Variants in SLAIN1 observed in about 807,000 individuals in gnomAD.
SLAIN1 encodes SLAIN motif-containing protein 1.
A neutral mutation model predicts 55.4 loss-of-function variants in SLAIN1; 17 were observed. The ratio of observed to expected loss-of-function variants is 0.31; its 90% CI spans 0.21 to 0.46. The LOEUF (loss-of-function observed/expected upper bound fraction) is 0.46, where lower values mean the gene tolerates loss of function less well. SLAIN1 is among the 20% of genes least tolerant of loss of function. The pLI is 1.00. For missense variants in SLAIN1, 682 were observed against 785.1 expected (o/e 0.87, Z 1.57); for synonymous variants, 348 against 337.4 (o/e 1.03, Z -0.35).
At chr13:77,750,016 G>A (rs570671808) in intron 4 of SLAIN1, among the ~76,000 whole-genome samples, 1 of 152,252 alleles carries the variant, frequency 6.6e-6, no homozygotes, top group African/African-American at 2.4e-5. Flanking sequence ...ATATTCTTGG[G>A]ATGTCTGAAA....
At chr13:77,723,256 G>GAA (rs2091278334) in intron 2 of SLAIN1, among the ~76,000 whole-genome samples, 1 of 151,982 alleles carries the variant, frequency 6.6e-6, no homozygotes, top group South Asian at 2.1e-4. Flanking sequence ...ACTCTACTTG[G>GAA]AACTAGTCAT....
intron 2 of SLAIN1, among the ~76,000 whole-genome samples, chr13:77,721,478 T>C (rs1289534518): frequency 6.6e-6 from 1 of 152,168 alleles, no homozygotes; most frequent in Non-Finnish European, 1.5e-5. Context: ...CCTCCTTACT[T>C]AATCCTTGAC....
chr13:77,719,713 A>C (rs778187394), intron 2 of SLAIN1, 42 bp downstream of exon 2: 5 of 1,599,188 alleles, frequency 3.1e-6, no homozygotes, highest in South Asian at 1.1e-5. Flanking sequence ...AACTCTTGTC[A>C]CTCTCAGTGC....
intron 2 of SLAIN1, among the ~76,000 whole-genome samples, chr13:77,735,331 T>C (rs542142815): frequency 6.6e-6 from 1 of 152,286 alleles, no homozygotes; most frequent in Non-Finnish European, 1.5e-5. Context: ...TCTTGGTCTT[T>C]ATTACAATAT....
rs747843842 is a variant in SLAIN1, at chr13:77,746,864, T to G, written c.1258+9T>G. On this transcript the variant is annotated intron_variant, in intron 4 of 6. Coordinates refer to ENST00000418532, the MANE Select transcript of SLAIN1 (RefSeq NM_001242868.2). ...AAATAGGACCAATGGAGGTAGGTTG[T>G]ATGCTTTTTTGGTATTTGATATGCT... The G allele has an allele frequency of 2.5e-6, 4 of 1,589,732 alleles. No individual in the cohort carries two copies. The highest frequency in any genetic ancestry group is 2.7e-5 in the African/African-American group (2 of 73,826).
intron 4 of SLAIN1, among the ~76,000 whole-genome samples, chr13:77,747,355 CG>C (rs1336624715): frequency 1.3e-5 from 2 of 152,088 alleles, no homozygotes; most frequent in Non-Finnish European, 2.9e-5. Flanking sequence ...CTTCTGATTA[CG>C]TGTCCCAGAT....
chr13:77,755,347 A>C (rs542838760), intron 5 of SLAIN1, among the ~76,000 whole-genome samples: 1 of 152,146 alleles, frequency 6.6e-6, no homozygotes, highest in Non-Finnish European at 1.5e-5. Flanking sequence ...AAAAATCAAT[A>C]GTGTAAGTGT....
Position 77,697,858 on chromosome 13 carries a change from G to A in SLAIN1, c.-56G>A. On this transcript the variant is annotated 5_prime_UTR_variant, in exon 1 of 7. Transcript: ENST00000418532. ...GAGCCGTAGCCTCCCCGTGGCCCGA[G>A]GAGCCGGCGCGGCGGCGCGCACTCC... The A allele has an allele frequency of 1.6e-6, 2 of 1,266,800 alleles. No individual in the cohort carries two copies. The highest frequency in any genetic ancestry group is 2.0e-6 in the Non-Finnish European group (2 of 1,006,666). 78.5% of individuals were successfully genotyped at this position (1,266,800 alleles called of 1,614,324 possible).
intron 4 of SLAIN1, among the ~76,000 whole-genome samples, chr13:77,750,172 CA>C (rs1437923975): frequency 1.3e-5 from 2 of 151,900 alleles, no homozygotes; most frequent in African/African-American, 4.8e-5. Context: ...GCAAAGCAAA[CA>C]AAAGTACATG....
At chr13:77,715,605 G>A (rs748970552) in intron 1 of SLAIN1, among the ~76,000 whole-genome samples, 4 of 152,022 alleles carry the variant, frequency 2.6e-5, no homozygotes, top group Non-Finnish European at 4.4e-5. Context: ...ACTTGCTATG[G>A]GTAGTATTTT....
chr13:77,704,177 A>C (rs768023835), intron 1 of SLAIN1, among the ~76,000 whole-genome samples: 12 of 86,630 alleles, frequency 1.4e-4, no homozygotes, highest in South Asian at 8.2e-4. Context: ...CATATGTTTT[A>C]TATGTATATA....
chr13:77,761,870 T>G (rs191227316), intron 6 of SLAIN1, among the ~76,000 whole-genome samples: 22 of 152,232 alleles, frequency 1.4e-4, no homozygotes, highest in African/African-American at 5.1e-4. Context: ...GAGGAGAGAT[T>G]GGTAGATGAG....
chr13:77,750,785 G>A (rs1049310807), intron 4 of SLAIN1, among the ~76,000 whole-genome samples: 5 of 152,160 alleles, frequency 3.3e-5, no homozygotes, highest in Admixed American at 3.3e-4. Flanking sequence ...CAGCTGGGAA[G>A]TCCATAGAAA....
chr13:77,697,986 G>C lies in SLAIN1; in HGVS notation c.73G>C (p.Ala25Pro). The C allele has an allele frequency of 1.4e-6, 2 of 1,445,714 alleles. No individual in the cohort carries two copies. Among genetic ancestry groups the C allele is most frequent in the Non-Finnish European group, 1.8e-6 (2 of 1,090,218 alleles). 89.6% of individuals were successfully genotyped at this position (1,445,714 alleles called of 1,614,324 possible). A position where few individuals can be genotyped will look rare whatever the true frequency, so the allele number is the denominator to read the frequency against. Residue 25 changes from alanine to proline, a missense_variant, in exon 1 of 7, where the codon GCG becomes CCG. Coordinates refer to ENST00000418532, the MANE Select transcript of SLAIN1 (RefSeq NM_001242868.2). ...SGAGSGPVVNAELEVKKLQEL... is the reference protein window; with the variant it reads ...SGAGSGPVVNPELEVKKLQEL... ...AGCGGGCTCCGGGCCGGTGGTGAACGCGGAGCTGGAGGTGAAGAAGCTGCA... is the reference window on the plus strand; with the variant it reads ...AGCGGGCTCCGGGCCGGTGGTGAACCCGGAGCTGGAGGTGAAGAAGCTGCA...
intron 5 of SLAIN1, among the ~76,000 whole-genome samples, chr13:77,760,202 A>G (rs1327964087): frequency 6.6e-6 from 1 of 152,160 alleles, no homozygotes; most frequent in African/African-American, 2.4e-5. Context: ...CCAGTTTGTT[A>G]CTTTTAATGT....
At chr13:77,740,312 G>T (rs1040830654) in intron 2 of SLAIN1, among the ~76,000 whole-genome samples, 2 of 152,056 alleles carry the variant, frequency 1.3e-5, no homozygotes, top group African/African-American at 4.8e-5. Context: ...GAGAGGTGGT[G>T]AGTGGTTAAG....
chr13:77,730,605 A>G (rs1872810241), intron 2 of SLAIN1, among the ~76,000 whole-genome samples: 1 of 152,172 alleles, frequency 6.6e-6, no homozygotes, highest in African/African-American at 2.4e-5. Context: ...AAACTTCTAT[A>G]TAGTAATAAG....
rs762851946 is a variant in SLAIN1 at position 77,760,887 on chromosome 13, A to G, written c.1474A>G (p.Ile492Val). Residue 492 changes from isoleucine (I) to valine (V), a missense_variant, in exon 6 of 7, where the codon ATC becomes GTC. Coordinates refer to ENST00000418532, the MANE Select transcript of SLAIN1 (RefSeq NM_001242868.2). ...VHSVGHFPVS[I>V]RQPLKATAYV... ...CAGCGTGGGGCATTTCCCAGTGTCT[A>G]TCCGACAGCCTCTTAAAGCCACAGC... The G allele has an allele frequency of 3.8e-5, 62 of 1,614,030 alleles. No individual in the cohort carries two copies. The highest frequency in any genetic ancestry group is 3.3e-4 in the Middle Eastern group (2 of 6,062).
At chr13:77,710,205 C>T (rs748412719) in intron 1 of SLAIN1, among the ~76,000 whole-genome samples, 4 of 152,148 alleles carry the variant, frequency 2.6e-5, no homozygotes, top group Non-Finnish European at 4.4e-5. Flanking sequence ...ATCATAATGA[C>T]AGGATCAAAT....
Sources: gnomAD v4.1 joint callset for allele counts (sites outside exome capture counted in the v4.1 genomes callset) on GRCh38, gnomAD v4.1.1 for gene constraint, MANE v1.5 for transcripts, NCBI Gene and HGNC (gene_info 2026-07-23, HGNC 2026-07-21) for gene names.